The following ANKS1B variants were observed in gnomAD, a reference collection of about 807,000 sequenced individuals.
ANKS1B encodes the protein ankyrin repeat and sterile alpha motif domain containing 1B.
ANKS1B carries 36 observed loss-of-function variants against 148.3 expected under a neutral mutation model. The ratio of observed to expected loss-of-function variants is 0.24; its 90% CI spans 0.19 to 0.32. The LOEUF is 0.32. ANKS1B is among the 10% of genes least tolerant of loss of function. The pLI is 1.00. For synonymous variants in ANKS1B, 542 were observed against 560.8 expected, an observed-to-expected ratio of 0.97 and a Z score of 0.47; for missense variants, 1,157 against 1,542.6, an observed-to-expected ratio of 0.75 and a Z score of 4.19.
chr12:99,591,798 T>A (rs1468202489), intron 9 of ANKS1B, among the ~76,000 whole-genome samples: 2 of 152,138 alleles, frequency 1.3e-5, no homozygotes, highest in African/African-American at 4.8e-5. Context: ...GCATTAGCTA[T>A]GTTACTAGAA....
intron 11 of ANKS1B, 77 bp downstream of exon 11, chr12:99,443,596 G>T: frequency 6.9e-7 from 1 of 1,458,012 alleles, no homozygotes. Flanking sequence ...TCCAGGCATT[G>T]CAATATAAGT....
chr12:98,796,856 C>T (rs1418427875), intron 22 of ANKS1B, among the ~76,000 whole-genome samples: 1 of 152,176 alleles, frequency 6.6e-6, no homozygotes, highest in African/African-American at 2.4e-5. Flanking sequence ...ACTTAGGCTA[C>T]TAAAATGGCT....
intron 14 of ANKS1B, among the ~76,000 whole-genome samples, chr12:99,234,183 G>A (rs2087414091): frequency 1.3e-5 from 2 of 151,936 alleles, no homozygotes; most frequent in South Asian, 4.2e-4. Context: ...TACATAAAAC[G>A]GTGTTTCCTC....
intron 12 of ANKS1B, among the ~76,000 whole-genome samples, chr12:99,383,504 T>C (rs564115573): frequency 6.6e-6 from 1 of 152,320 alleles, no homozygotes; most frequent in East Asian, 1.9e-4. Context: ...CCATATCATG[T>C]TCTCACTTAT....
intron 9 of ANKS1B, among the ~76,000 whole-genome samples, chr12:99,545,971 G>A (rs575639982): frequency 2.6e-5 from 4 of 152,096 alleles, no homozygotes; most frequent in East Asian, 3.9e-4. Flanking sequence ...CGTTGGAGAA[G>A]AACCCCAAAT....
intron 9 of ANKS1B, among the ~76,000 whole-genome samples, chr12:99,514,508 T>C (rs1162288850): frequency 6.6e-6 from 1 of 152,046 alleles, no homozygotes; most frequent in African/African-American, 2.4e-5. Context: ...GCCCAGATGA[T>C]TCTCATTTAG....
At chr12:98,767,048 G>A (rs2098492238) in intron 25 of ANKS1B, among the ~76,000 whole-genome samples, 1 of 151,322 alleles carries the variant, frequency 6.6e-6, no homozygotes, top group Non-Finnish European at 1.5e-5. Flanking sequence ...TGAACTCCTG[G>A]AGTCAAGTGA....
intron 15 of ANKS1B, among the ~76,000 whole-genome samples, chr12:99,132,590 A>G (rs1466192813): frequency 6.6e-6 from 1 of 152,210 alleles, no homozygotes; most frequent in Admixed American, 6.5e-5. Context: ...GAGTAGTGAA[A>G]GTCAACAAAC....
chr12:98,832,678 T>C (rs2099328417), intron 17 of ANKS1B, among the ~76,000 whole-genome samples: 2 of 152,154 alleles, frequency 1.3e-5, no homozygotes, highest in Admixed American at 1.3e-4. Flanking sequence ...GACACTGTGC[T>C]GCTGATGTCT....
At chr12:99,084,319 G>C (rs893172949) in intron 16 of ANKS1B, among the ~76,000 whole-genome samples, 3 of 152,138 alleles carry the variant, frequency 2.0e-5, no homozygotes, top group African/African-American at 7.2e-5. Context: ...TGCCACCTGG[G>C]GGGCCAGAAC....
intron 17 of ANKS1B, among the ~76,000 whole-genome samples, chr12:98,897,525 C>T (rs1199112285): frequency 6.6e-6 from 1 of 152,182 alleles, no homozygotes. Context: ...GAGATAGTCT[C>T]ACACCAGTCA....
intron 1 of ANKS1B, among the ~76,000 whole-genome samples, chr12:99,939,037 C>T (rs2373201): frequency 0.22 from 33,365 of 152,030 alleles, 3,926 homozygotes; most frequent in African/African-American, 0.27. Flanking sequence ...TATTTGGGGG[C>T]CTGCATTCAT....
At chr12:99,798,748 CA>C (rs1386542841) in intron 4 of ANKS1B, among the ~76,000 whole-genome samples, 2 of 152,032 alleles carry the variant, frequency 1.3e-5, no homozygotes, top group East Asian at 3.9e-4. Flanking sequence ...TGTTGCTATT[CA>C]AAAGAAGAAA....
chr12:99,689,505 T>C, intron 8 of ANKS1B, among the ~76,000 whole-genome samples: 1 of 152,218 alleles, frequency 6.6e-6, no homozygotes, highest in East Asian at 1.9e-4. Flanking sequence ...ATATGCAACA[T>C]CACTCTTGTG....
At chr12:99,441,399 T>C (rs548589367) in intron 11 of ANKS1B, among the ~76,000 whole-genome samples, 8 of 151,968 alleles carry the variant, frequency 5.3e-5, no homozygotes, top group African/African-American at 1.9e-4. Flanking sequence ...CCTACCTGAA[T>C]ACTCTCTCAT....
chr12:99,890,500 T>C (rs1198286721), intron 1 of ANKS1B, among the ~76,000 whole-genome samples: 1 of 152,000 alleles, frequency 6.6e-6, no homozygotes, highest in Non-Finnish European at 1.5e-5. Context: ...TTACAGATTG[T>C]GAACTTGCCA....
At chr12:98,995,148 T>C (rs2153324331) in intron 17 of ANKS1B, among the ~76,000 whole-genome samples, 1 of 152,340 alleles carries the variant, frequency 6.6e-6, no homozygotes, top group East Asian at 1.9e-4. Flanking sequence ...TTAATAATGC[T>C]ATAACCTTTA....
At chr12:99,011,729 G>T (rs946218171) in intron 17 of ANKS1B, among the ~76,000 whole-genome samples, 2 of 152,094 alleles carry the variant, frequency 1.3e-5, no homozygotes, top group African/African-American at 4.8e-5. Context: ...AGAAAAATAG[G>T]GTTGGGGCAC....
At chr12:99,393,823 T>C (rs2094155608) in intron 12 of ANKS1B, among the ~76,000 whole-genome samples, 1 of 152,174 alleles carries the variant, frequency 6.6e-6, no homozygotes, top group East Asian at 1.9e-4. Context: ...ATCTCCTTGT[T>C]CTCTTTCACT....
Sources: allele counts gnomAD v4.1 joint callset (sites outside exome capture counted in the v4.1 genomes callset), GRCh38; gene constraint gnomAD v4.1.1; transcripts MANE v1.5; gene names NCBI Gene and HGNC (gene_info 2026-07-23, HGNC 2026-07-21).